The following EPCIP variants were observed in gnomAD, a reference collection of about 807,000 sequenced individuals.
EPCIP encodes exosomal polycystin-1-interacting protein.
the EPCIP span, chr21:32,797,105 A>G: frequency 1.4e-5 from 6 of 426,162 alleles, no homozygotes; most frequent in Non-Finnish European, 2.4e-5. Flanking sequence ...CCTCCTGGAC[A>G]TTAGGAAGCC....
chr21:32,797,998 A>C, the EPCIP span: 1 of 152,208 alleles, frequency 6.6e-6, no homozygotes, highest in Middle Eastern at 3.4e-3. Context: ...CAGCTGAGCA[A>C]CCTCTCAAGA....
chr21:32,807,349 T>TTTTTTG, the EPCIP span, among the ~76,000 whole-genome samples: 1 of 148,192 alleles, frequency 6.7e-6, no homozygotes, highest in African/African-American at 2.6e-5. Flanking sequence ...TTTTTTTTTT[T>TTTTTTG]GAGACAGAGT....
the EPCIP span, among the ~76,000 whole-genome samples, chr21:32,795,888 A>G: frequency 6.6e-6 from 1 of 152,168 alleles, no homozygotes; most frequent in Non-Finnish European, 1.5e-5. Flanking sequence ...AGGGTGAGAC[A>G]TTGATTCACA....
the EPCIP span, among the ~76,000 whole-genome samples, chr21:32,805,406 G>A: frequency 6.6e-6 from 1 of 151,746 alleles, no homozygotes; most frequent in African/African-American, 2.4e-5. Context: ...CCAGGCTGGA[G>A]TGTGGAGTGC....
chr21:32,804,342 C>T, the EPCIP span, among the ~76,000 whole-genome samples: 1 of 150,836 alleles, frequency 6.6e-6, no homozygotes, highest in Non-Finnish European at 1.5e-5. Flanking sequence ...GATGGGGTCT[C>T]ACTATGTCAT....
chr21:32,798,549 A>G, the EPCIP span: 1 of 152,064 alleles, frequency 6.6e-6, no homozygotes, highest in South Asian at 2.1e-4. Flanking sequence ...TCTCTCAAGT[A>G]CCCCTCGTGA....
chr21:32,813,655 C>T, the EPCIP span: 1 of 471,256 alleles, frequency 2.1e-6, no homozygotes, highest in Non-Finnish European at 4.4e-6. Flanking sequence ...GGCCACGGAT[C>T]CTTCACCCTG....
chr21:32,795,932 C>T, the EPCIP span, among the ~76,000 whole-genome samples: 1 of 151,614 alleles, frequency 6.6e-6, no homozygotes, highest in African/African-American at 2.4e-5. Context: ...TTCATCCCTC[C>T]CTTCCTTCCT....
chr21:32,794,208 C>A, the EPCIP span: 2 of 1,614,252 alleles, frequency 1.2e-6, no homozygotes, highest in Non-Finnish European at 1.7e-6. Flanking sequence ...CTGGTTCGCT[C>A]TACTGCAAGG....
chr21:32,801,062 C>T, the EPCIP span, among the ~76,000 whole-genome samples: 10 of 152,170 alleles, frequency 6.6e-5, no homozygotes, highest in East Asian at 1.9e-3. Context: ...GAGTTCTGGC[C>T]AATGGAATAT....
At chr21:32,803,359 G>A in the EPCIP span, among the ~76,000 whole-genome samples, 72 of 152,284 alleles carry the variant, frequency 4.7e-4, no homozygotes, top group South Asian at 0.015. Flanking sequence ...GAGGAGTGTG[G>A]GGTGGAGACC....
At chr21:32,797,034 G>A in the EPCIP span, 1 of 470,910 alleles carries the variant, frequency 2.1e-6, no homozygotes, top group Admixed American at 2.3e-5. Context: ...GAAGTTCCCA[G>A]AAGAATTTGT....
At chr21:32,811,144 T>C in the EPCIP span, among the ~76,000 whole-genome samples, 1 of 151,988 alleles carries the variant, frequency 6.6e-6, no homozygotes, top group African/African-American at 2.4e-5. Flanking sequence ...CTCCCCTTTT[T>C]TTTTTAGACC....
At chr21:32,807,784 T>C in the EPCIP span, 1 of 152,258 alleles carries the variant, frequency 6.6e-6, no homozygotes, top group Admixed American at 6.5e-5. Context: ...TTGAGCTTAC[T>C]CTCCTATGGC....
chr21:32,806,956 G>A, the EPCIP span, among the ~76,000 whole-genome samples: 7 of 152,186 alleles, frequency 4.6e-5, no homozygotes, highest in Non-Finnish European at 1.0e-4. Context: ...TCACATGGTG[G>A]CAGACAAGAG....
the EPCIP span, among the ~76,000 whole-genome samples, chr21:32,809,279 C>CCTTTCTTTCTTCCTTTCTTT: frequency 5.0e-5 from 4 of 80,062 alleles, no homozygotes; most frequent in African/African-American, 1.8e-4. Flanking sequence ...CTCCCTCCTT[C>CCTTTCTTTCTTCCTTTCTTT]CTTTCTTTCT....
the EPCIP span, among the ~76,000 whole-genome samples, chr21:32,810,268 T>C: frequency 1.4e-5 from 2 of 142,176 alleles, no homozygotes; most frequent in Non-Finnish European, 3.1e-5. Context: ...TTTTTTTTTT[T>C]TTTTTGAGAC....
chr21:32,812,856 C>G, the EPCIP span, among the ~76,000 whole-genome samples: 1 of 151,922 alleles, frequency 6.6e-6, no homozygotes, highest in Non-Finnish European at 1.5e-5. Context: ...ATGTTCTACT[C>G]ATTTTGAATT....
chr21:32,794,879 G>T, the EPCIP span, among the ~76,000 whole-genome samples: 2 of 152,270 alleles, frequency 1.3e-5, no homozygotes, highest in Admixed American at 1.3e-4. Context: ...AGCATGAAGC[G>T]CCCAAAAACC....
Sources: gnomAD v4.1 joint callset for allele counts (sites outside exome capture counted in the v4.1 genomes callset) on GRCh38, gnomAD v4.1.1 for gene constraint, MANE v1.5 for transcripts, NCBI Gene and HGNC (gene_info 2026-07-23, HGNC 2026-07-21) for gene names.